TTC28: variants seen among roughly 807,000 people sequenced by gnomAD.
TTC28 encodes the protein tetratricopeptide repeat domain 28.
In TTC28, 61 loss-of-function variants were observed where a neutral mutation model predicts 198.0. That is an observed-to-expected ratio of 0.31 (90% CI 0.25 to 0.38). The LOEUF (loss-of-function observed/expected upper bound fraction) is 0.38, where lower values mean the gene tolerates loss of function less well. Ranked by LOEUF, TTC28 falls within the 10% of genes least tolerant of loss-of-function variation. The pLI, the probability that TTC28 is intolerant of heterozygous loss-of-function variation, is 1.00. For missense variants in TTC28, 2,678 were observed against 3,164.0 expected (o/e 0.85, Z 3.69); for synonymous variants, 1,171 against 1,297.8 (o/e 0.90, Z 2.10).
At chr22:28,438,351 C>T (rs1226497562) in intron 2 of TTC28, among the ~76,000 whole-genome samples, 1 of 152,120 alleles carries the variant, frequency 6.6e-6, no homozygotes, top group Admixed American at 6.5e-5. Flanking sequence ...TATTCTAAGA[C>T]ACAAATCTAC....
At chr22:28,143,626 G>A (rs936279510) in intron 6 of TTC28, among the ~76,000 whole-genome samples, 22 of 152,170 alleles carry the variant, frequency 1.4e-4, no homozygotes, top group African/African-American at 5.1e-4. Context: ...AACAGAGAGC[G>A]TGAGGGAGGG....
intron 2 of TTC28, among the ~76,000 whole-genome samples, chr22:28,495,710 T>C (rs2048445456): frequency 6.6e-6 from 1 of 152,182 alleles, no homozygotes; most frequent in Non-Finnish European, 1.5e-5. Flanking sequence ...TTCATTCAAA[T>C]TGGAGCAGAT....
At chr22:28,411,333 T>C (rs1031597191) in intron 2 of TTC28, among the ~76,000 whole-genome samples, 3 of 152,198 alleles carry the variant, frequency 2.0e-5, no homozygotes, top group Non-Finnish European at 2.9e-5. Context: ...TCAACTCTTA[T>C]GAAAAGGCAT....
At chr22:28,424,069 C>T (rs144089073) in intron 2 of TTC28, among the ~76,000 whole-genome samples, 56 of 152,138 alleles carry the variant, frequency 3.7e-4, no homozygotes, top group African/African-American at 1.2e-3. Context: ...GTACTATTTA[C>T]ATCAAGGAAT....
At chr22:28,338,102 C>A (rs2045763434) in intron 2 of TTC28, among the ~76,000 whole-genome samples, 4 of 152,110 alleles carry the variant, frequency 2.6e-5, no homozygotes, top group Admixed American at 2.6e-4. Flanking sequence ...ACTTATGAAG[C>A]TTAGTTTGGC....
intron 2 of TTC28, among the ~76,000 whole-genome samples, chr22:28,328,516 G>T (rs2045565802): frequency 6.6e-6 from 1 of 151,892 alleles, no homozygotes; most frequent in African/African-American, 2.4e-5. Flanking sequence ...CACTCTGGGA[G>T]GCCGAGGCGG....
At chr22:28,331,480 TA>T (rs1265006762) in intron 2 of TTC28, among the ~76,000 whole-genome samples, 1 of 151,996 alleles carries the variant, frequency 6.6e-6, no homozygotes, top group Non-Finnish European at 1.5e-5. Context: ...ACTGAATAAA[TA>T]AAAAAATTAA....
At chr22:28,115,833 G>A (rs1050530612) in intron 6 of TTC28, among the ~76,000 whole-genome samples, 4 of 152,180 alleles carry the variant, frequency 2.6e-5, no homozygotes, top group Admixed American at 6.5e-5. Context: ...GGCCACTTCT[G>A]TTCCAGATCC....
At chr22:28,475,167 A>G (rs1344803897) in intron 2 of TTC28, among the ~76,000 whole-genome samples, 3 of 150,390 alleles carry the variant, frequency 2.0e-5, no homozygotes, top group South Asian at 2.1e-4. Context: ...AAAAAAAAAA[A>G]AAAAAGAAAG....
chr22:28,491,232 T>C (rs1238050734), intron 2 of TTC28, among the ~76,000 whole-genome samples: 1 of 152,168 alleles, frequency 6.6e-6, no homozygotes, highest in Non-Finnish European at 1.5e-5. Flanking sequence ...CCAAAAGCAA[T>C]GGCAACAAAA....
At position 28,107,621 on chromosome 22, in the gene TTC28, C is replaced by T; in HGVS notation, c.2224G>A (p.Gly742Ser). 6.4e-7 allele frequency: 1 copy of T among 1,551,716 alleles called. No homozygotes were observed. Among genetic ancestry groups the T allele is most frequent in the Non-Finnish European group, 8.7e-7 (1 of 1,147,002 alleles). ...CTGTCCTTTACCTGGTGAGCTAAGC[C>T]CAGTTGCTGCTCATAGAATTTTATT... is the stretch of plus-strand genomic sequence containing the variant. The part of the protein sequence containing the change: ...GAIKFYEQQL[G>S]LAHQVKDRRL... Residue 742 changes from glycine to serine, a missense_variant, in exon 7 of 23, where the codon GGC (glycine) becomes AGC (serine). Around this residue, in one of 8 missense-constraint regions of TTC28, gnomAD observed 775 missense variants for 845.9 expected, o/e 0.92. Transcript: ENST00000397906.
intron 2 of TTC28, among the ~76,000 whole-genome samples, chr22:28,568,742 A>T: frequency 6.6e-6 from 1 of 152,242 alleles, no homozygotes; most frequent in Non-Finnish European, 1.5e-5. Flanking sequence ...GCTCATGAAT[A>T]AGAGTCGATA....
In TTC28 at chr22:27,985,254, A is replaced by G; in HGVS notation, c.5810T>C (p.Leu1937Pro). 1 of 1,551,016 alleles carries G rather than the reference A, an allele frequency of 6.4e-7. No individual in the cohort carries two copies. The highest frequency in any genetic ancestry group is 8.7e-7 in the Non-Finnish European group (1 of 1,146,524). Residue 1937 changes from leucine to proline, a missense_variant, in exon 22 of 23, where the codon CTG becomes CCG. This residue lies in a region of TTC28 where 314 missense variants were observed against 442.7 expected (regional missense o/e 0.71). Transcript: ENST00000397906. ...GTCTGAGGGCAGGCTCTTACCAAACAGAGACAGCAGGGACTGGAGCGCGAA... is the reference window on the plus strand; with the variant it reads ...GTCTGAGGGCAGGCTCTTACCAAACGGAGACAGCAGGGACTGGAGCGCGAA... ...VHFALQSLLS[L>P]FDSTELPKRL...
intron 12 of TTC28, among the ~76,000 whole-genome samples, chr22:28,049,409 C>A (rs574057383): frequency 1.2e-3 from 183 of 152,240 alleles, no homozygotes; most frequent in Non-Finnish European, 1.9e-3. Flanking sequence ...CTTTTTAGAA[C>A]CTTAAACTTT....
chr22:28,643,431 C>T (rs2051401533), intron 1 of TTC28, among the ~76,000 whole-genome samples: 1 of 152,158 alleles, frequency 6.6e-6, no homozygotes, highest in Non-Finnish European at 1.5e-5. Context: ...AATGGCCAAA[C>T]CCTGAAGCAC....
intron 3 of TTC28, among the ~76,000 whole-genome samples, chr22:28,304,076 G>C (rs1341495138): frequency 1.3e-5 from 2 of 152,082 alleles, no homozygotes; most frequent in African/African-American, 4.8e-5. Context: ...ACGAGGTCAG[G>C]AGATCGAGAC....
Position 27,983,488 on chromosome 22 carries a change from G to GA in TTC28, c.6178dup (p.Ser2060PhefsTer5). The stretch of plus-strand genomic sequence containing the variant: ...CGCCAAGGGCTCGTTACTGATGATA[G>GA]AAAACCCTTCATATTCTTCTTCATC... On this transcript the variant is annotated frameshift_variant, in exon 23 of 23. Transcript: ENST00000397906. LOFTEE classifies it low-confidence loss of function (END_TRUNC). The GA allele has an allele frequency of 6.5e-7, 1 of 1,547,510 alleles. No homozygotes were observed. The highest frequency in any genetic ancestry group is 8.7e-7 in the Non-Finnish European group (1 of 1,145,954).
intron 2 of TTC28, among the ~76,000 whole-genome samples, chr22:28,388,228 T>C (rs138463300): frequency 0.011 from 1,684 of 152,344 alleles, 29 homozygotes; most frequent in African/African-American, 0.039. Flanking sequence ...ACCAGTACCA[T>C]GCTGTTTCAG....
chr22:28,432,062 G>A (rs985862024), intron 2 of TTC28, among the ~76,000 whole-genome samples: 25 of 151,966 alleles, frequency 1.6e-4, no homozygotes, highest in African/African-American at 5.5e-4. Flanking sequence ...GAGGTGGGCG[G>A]ATCACGAAGT....
Sources: allele counts gnomAD v4.1 joint callset (sites outside exome capture counted in the v4.1 genomes callset), GRCh38; gene constraint gnomAD v4.1.1; regional missense constraint gnomAD v4.1.1; transcripts MANE v1.5; gene names NCBI Gene and HGNC (gene_info 2026-07-23, HGNC 2026-07-21).